EXTL3: variants seen among roughly 807,000 people sequenced by gnomAD.
EXTL3 encodes exostosin-like 3.
EXTL3 carries 27 observed loss-of-function variants against 69.3 expected under a neutral mutation model. The observed-to-expected ratio is 0.39, with a 90% CI of 0.29 to 0.54. The LOEUF is 0.54. EXTL3 is among the 20% of genes least tolerant of loss of function. The pLI is 0.69. For synonymous variants in EXTL3, 511 were observed against 499.4 expected (o/e 1.02, Z -0.31); for missense variants, 1,003 against 1,231.8 (o/e 0.81, Z 2.78).
rs891358223 is a variant in EXTL3 at position 28,717,886 on chromosome 8, G to A, written c.1827G>A (p.Gly609=). The A allele has an allele frequency of 1.5e-5, 24 of 1,614,128 alleles. No homozygotes were observed. Among genetic ancestry groups the A allele is most frequent in the Non-Finnish European group, 2.0e-5 (24 of 1,179,964 alleles). Residue 609 remains glycine, a synonymous_variant, in exon 3 of 7, where the codon GGG becomes GGA. Coordinates refer to ENST00000220562, the MANE Select transcript of EXTL3 (RefSeq NM_001440.4). The surrounding 1 kb of genome is among the most constrained non-coding windows in gnomAD (Gnocchi z 8.3). Reference sequence around the variant, plus strand: ...ACCGCAGCTGGAACTGTGCTCCAGGGCCTTTCCATCTTTTCCCCCACACTC... The same window carrying A: ...ACCGCAGCTGGAACTGTGCTCCAGGACCTTTCCATCTTTTCCCCCACACTC... ...DFYRSWNCAP[G]PFHLFPHTPF... is the part of the protein sequence containing the mutation.
chr8:28,732,433 A>C (rs1238558146), intron 4 of EXTL3, among the ~76,000 whole-genome samples: 1 of 152,174 alleles, frequency 6.6e-6, no homozygotes, highest in Non-Finnish European at 1.5e-5. Context: ...TCACTCATTT[A>C]AGTGTACAAT....
intron 1 of EXTL3, among the ~76,000 whole-genome samples, chr8:28,651,130 T>G (rs1370812504): frequency 1.3e-5 from 2 of 152,236 alleles, no homozygotes; most frequent in Non-Finnish European, 2.9e-5. Context: ...AATGCTGCAA[T>G]GAGCATGTCC....
intron 1 of EXTL3, among the ~76,000 whole-genome samples, chr8:28,712,327 C>T (rs998325063): frequency 2.0e-5 from 3 of 152,014 alleles, no homozygotes; most frequent in Middle Eastern, 3.2e-3. Context: ...CTGGGGAGCC[C>T]GGCAGTACAG....
chr8:28,731,457 G>A (rs1801536546), intron 4 of EXTL3, 107 bp downstream of exon 4: 1 of 1,184,518 alleles, frequency 8.4e-7, no homozygotes, highest in Non-Finnish European at 1.2e-6. Context: ...ACCCCTTGCA[G>A]ATAGTCAGGG....
chr8:28,639,730 C>A (rs889128528), intron 1 of EXTL3, among the ~76,000 whole-genome samples: 1 of 152,240 alleles, frequency 6.6e-6, no homozygotes. Context: ...GCCTTTCATA[C>A]TGAAGTATGT....
intron 1 of EXTL3, among the ~76,000 whole-genome samples, chr8:28,660,707 C>A (rs1191565215): frequency 6.6e-6 from 1 of 152,092 alleles, no homozygotes; most frequent in South Asian, 2.1e-4. Context: ...ACTCTCCATT[C>A]CCCATCCCCC....
intron 1 of EXTL3, among the ~76,000 whole-genome samples, chr8:28,661,356 T>TACAC (rs112453996): frequency 2.0e-5 from 3 of 151,586 alleles, no homozygotes; most frequent in Admixed American, 6.6e-5. Flanking sequence ...TATATATATA[T>TACAC]ACACACACAC....
chr8:28,717,163 G>A lies in EXTL3; in HGVS notation c.1104G>A (p.Glu368=), dbSNP rs779199372. The change falls in exon 3 of 7, where the codon GAG becomes GAA. Residue 368 remains glutamate, a synonymous_variant. Transcript: ENST00000220562. The surrounding 1 kb of genome is among the most constrained non-coding windows in gnomAD (Gnocchi z 8.3). ...CCCGCTCCTTCGAAGAGGAAATGGAGGGCGACCCTCCCGCCGACTACGATG... is the reference window on the plus strand; with the variant it reads ...CCCGCTCCTTCGAAGAGGAAATGGAAGGCGACCCTCCCGCCGACTACGATG... ...QEARSFEEEM[E]GDPPADYDDR... is the part of the protein sequence containing the mutation. The A allele has an allele frequency of 6.2e-7, 1 of 1,614,224 alleles. No individual in the cohort carries two copies. Among genetic ancestry groups the A allele is most frequent in the South Asian group, 1.1e-5 (1 of 91,090 alleles).
chr8:28,687,387 A>G (rs1807594581), intron 1 of EXTL3, among the ~76,000 whole-genome samples: 1 of 152,062 alleles, frequency 6.6e-6, no homozygotes, highest in Admixed American at 6.6e-5. Flanking sequence ...AATCGCTTGA[A>G]CCCAGGAGGT....
chr8:28,670,596 C>T (rs931617831), intron 1 of EXTL3, among the ~76,000 whole-genome samples: 6 of 152,196 alleles, frequency 3.9e-5, no homozygotes, highest in Admixed American at 3.9e-4. Flanking sequence ...AGCGATGTCT[C>T]AGTTCAAGTC....
At chr8:28,610,316 G>A (rs1037426902) in intron 2 of EXTL3, among the ~76,000 whole-genome samples, 1 of 152,036 alleles carries the variant, frequency 6.6e-6, no homozygotes, top group Non-Finnish European at 1.5e-5. Context: ...ATATAGATAT[G>A]GGGAATCCTG....
intron 1 of EXTL3, among the ~76,000 whole-genome samples, chr8:28,703,587 G>A (rs766494430): frequency 7.9e-5 from 12 of 152,142 alleles, no homozygotes; most frequent in Non-Finnish European, 1.6e-4. Flanking sequence ...GAGTGATGCG[G>A]AGTCCTTGTC....
chr8:28,725,701 T>A (rs986888321), intron 3 of EXTL3, among the ~76,000 whole-genome samples: 2 of 152,236 alleles, frequency 1.3e-5, no homozygotes, highest in African/African-American at 2.4e-5. Flanking sequence ...TGAGTCTTCC[T>A]GTTTGCAAGT....
chr8:28,666,914 C>T lies in EXTL3; in HGVS notation c.-53+44104C>T, dbSNP rs143987454. The stretch of plus-strand genomic sequence containing the variant: ...CTTAAAATTGTATTCCAGTCCTCTC[C>T]TCCTGCCTTCGACTCCCTGGTTTGT... On this transcript the variant is annotated intron_variant, in intron 1 of 6. Coordinates refer to the EXTL3 transcript ENST00000523149. 3.6e-4 allele frequency among the ~76,000 whole-genome samples: 55 copies of T among 152,308 alleles called. No homozygotes were observed. The East Asian group carries it at 0.011, about 29-fold the overall frequency.
At chr8:28,638,763 C>T (rs1806696032) in intron 1 of EXTL3, among the ~76,000 whole-genome samples, 1 of 152,060 alleles carries the variant, frequency 6.6e-6, no homozygotes, top group Non-Finnish European at 1.5e-5. Flanking sequence ...TCCTGAGTAG[C>T]TGAGATTACA....
Position 28,750,049 on chromosome 8 carries a change from C to T in EXTL3, c.2551-608C>T, listed in dbSNP as rs559216886. ...GTTTATGTATTTCTTCTTGCATGTT[C>T]AGGTGTTCTGAGGGGTTTTTATGCC... On this transcript the variant is annotated intron_variant, in intron 6 of 6. Transcript: ENST00000220562. The surrounding 1 kb of genome is among the most constrained non-coding windows in gnomAD (Gnocchi z 5.2). Among the ~76,000 whole-genome samples the T allele has an allele frequency of 5.9e-5, 9 of 152,316 alleles. No homozygotes were observed. The South Asian group carries it at 1.9e-3, about 32-fold the overall frequency.
rs560576617 is a variant in EXTL3, at chr8:28,716,583, G to A, written c.524G>A (p.Arg175Gln). Residue 175 changes from arginine (R) to glutamine (Q), a missense_variant, in exon 3 of 7, where the codon CGG becomes CAG. Coordinates refer to ENST00000220562, the MANE Select transcript of EXTL3 (RefSeq NM_001440.4). This position sits in a 1 kb window ranked among gnomAD's most constrained non-coding sequence, Gnocchi z 7.1. ...GGCCTCCCTCCCCCGAAGGCCACTCGGGGCTGCCGGCTACACAACTGCTTT... is the reference window on the plus strand; with the variant it reads ...GGCCTCCCTCCCCCGAAGGCCACTCAGGGCTGCCGGCTACACAACTGCTTT... Reference protein sequence around the residue: ...DAGLPPPKATRGCRLHNCFDY... With the variant: ...DAGLPPPKATQGCRLHNCFDY... 1.8e-5 allele frequency: 29 copies of A among 1,614,144 alleles called. No homozygotes were observed. Among genetic ancestry groups the A allele is most frequent in the East Asian group, 2.2e-5 (1 of 44,880 alleles).
rs765686510 is a variant in EXTL3 at position 28,716,014 on chromosome 8, T to C, written c.-46T>C. 3 of 1,505,660 alleles carry C rather than the reference T, an allele frequency of 2.0e-6. No homozygotes were observed. Among genetic ancestry groups the C allele is most frequent in the East Asian group, 2.3e-5 (1 of 44,098 alleles). The allele number at this position is 1,505,660 out of a possible 1,614,324, so 93.3% of individuals were successfully genotyped here. Reference sequence around the variant, plus strand: ...TTTGTGGAATAGCAACCCATGGTTATGGCGAGTGACCCGACGTGATCTGGG... The same window carrying C: ...TTTGTGGAATAGCAACCCATGGTTACGGCGAGTGACCCGACGTGATCTGGG... On this transcript the variant is annotated 5_prime_UTR_variant, in exon 3 of 7. An upstream start codon of the reference 5' UTR is lost. Coordinates refer to ENST00000220562, the MANE Select transcript of EXTL3 (RefSeq NM_001440.4). The surrounding 1 kb of genome is among the most constrained non-coding windows in gnomAD (Gnocchi z 7.1).
intron 1 of EXTL3, among the ~76,000 whole-genome samples, chr8:28,636,729 G>A (rs2130574279): frequency 6.6e-6 from 1 of 152,268 alleles, no homozygotes; most frequent in African/African-American, 2.4e-5. Context: ...GTTATAGCAG[G>A]TTGGCGCGTG....
Sources: allele counts gnomAD v4.1 joint callset (sites outside exome capture counted in the v4.1 genomes callset), GRCh38; gene constraint gnomAD v4.1.1; non-coding constraint Gnocchi (gnomAD v3.1); transcripts MANE v1.5; gene names NCBI Gene and HGNC (gene_info 2026-07-23, HGNC 2026-07-21).